The following ANK3 variants were observed in gnomAD, a reference collection of about 807,000 sequenced individuals.
The protein encoded by ANK3 is ankyrin 3.
ANK3 carries 57 observed loss-of-function variants against 370.9 expected under a neutral mutation model. That is an observed-to-expected ratio of 0.15 (90% confidence interval 0.12 to 0.19). The LOEUF (loss-of-function observed/expected upper bound fraction) is 0.19. Ranked by LOEUF, ANK3 falls within the 10% of genes least tolerant of loss-of-function variation. The pLI is 1.00. For synonymous variants in ANK3, 1,929 were observed against 1,946.3 expected (o/e 0.99, Z 0.23); for missense variants, 4,439 against 5,302.1 (o/e 0.84, Z 5.06).
At chr10:60,325,035 T>C (rs531480983) in intron 1 of ANK3, among the ~76,000 whole-genome samples, 1 of 152,222 alleles carries the variant, frequency 6.6e-6, no homozygotes, top group Non-Finnish European at 1.5e-5. Flanking sequence ...CTACCCATAA[T>C]GTACTCTGCT....
chr10:60,723,410 G>T (rs971729490), intron 1 of ANK3, among the ~76,000 whole-genome samples: 1 of 152,230 alleles, frequency 6.6e-6, no homozygotes, highest in Non-Finnish European at 1.5e-5. Flanking sequence ...AGACAACAAA[G>T]TGTTAGTGTA....
intron 38 of ANK3, among the ~76,000 whole-genome samples, chr10:60,066,276 A>G (rs971716589): frequency 1.3e-5 from 2 of 152,208 alleles, no homozygotes; most frequent in African/African-American, 4.8e-5. Flanking sequence ...TCGTCTGGCT[A>G]TTAAGCCACA....
intron 2 of ANK3, among the ~76,000 whole-genome samples, chr10:60,598,791 T>C (rs1277895756): frequency 6.6e-6 from 1 of 152,204 alleles, no homozygotes; most frequent in Non-Finnish European, 1.5e-5. Context: ...TAGTGAACAT[T>C]ACATCAGAAA....
chr10:60,700,543 G>A (rs1157259095), intron 1 of ANK3, among the ~76,000 whole-genome samples: 1 of 152,172 alleles, frequency 6.6e-6, no homozygotes, highest in Non-Finnish European at 1.5e-5. Flanking sequence ...ATGGGGCAGA[G>A]GTGGCCAGCT....
At chr10:60,691,513 G>A (rs896674791) in intron 1 of ANK3, among the ~76,000 whole-genome samples, 1 of 152,068 alleles carries the variant, frequency 6.6e-6, no homozygotes, top group Non-Finnish European at 1.5e-5. Flanking sequence ...TCCACTAAAC[G>A]TTTGCCACTT....
At chr10:60,700,806 T>G (rs1035075348) in intron 1 of ANK3, among the ~76,000 whole-genome samples, 10 of 152,138 alleles carry the variant, frequency 6.6e-5, no homozygotes, top group South Asian at 2.1e-4. Flanking sequence ...ATCAGAGATT[T>G]AAATGTAAAT....
intron 1 of ANK3, among the ~76,000 whole-genome samples, chr10:60,319,581 CA>C (rs2048189693): frequency 6.6e-6 from 1 of 152,170 alleles, no homozygotes; most frequent in South Asian, 2.1e-4. Flanking sequence ...CTTTAAAACA[CA>C]CCCATTTATT....
chr10:60,083,436 T>C, intron 33 of ANK3, 56 bp downstream of exon 33: 1 of 1,528,140 alleles, frequency 6.5e-7, no homozygotes, highest in Non-Finnish European at 8.9e-7. Context: ...TTATTTTTAT[T>C]CTCTAAGAGT....
At chr10:60,601,535 C>T (rs2078064630) in intron 2 of ANK3, among the ~76,000 whole-genome samples, 2 of 152,030 alleles carry the variant, frequency 1.3e-5, no homozygotes, top group Non-Finnish European at 2.9e-5. Context: ...TTCAAACCAT[C>T]TAACCAGTAT....
chr10:60,451,492 T>G (rs1216194284), intron 2 of ANK3, among the ~76,000 whole-genome samples: 1 of 152,192 alleles, frequency 6.6e-6, no homozygotes, highest in African/African-American at 2.4e-5. Context: ...GGCCTTGCCT[T>G]TTGAAGAACA....
At chr10:60,280,692 G>A (rs1402380307) in intron 1 of ANK3, among the ~76,000 whole-genome samples, 1 of 152,194 alleles carries the variant, frequency 6.6e-6, no homozygotes, top group African/African-American at 2.4e-5. Context: ...TCCTGAAAGA[G>A]CAGCCAAAAA....
chr10:60,412,861 C>G (rs1470584648), intron 2 of ANK3, among the ~76,000 whole-genome samples: 1 of 152,174 alleles, frequency 6.6e-6, no homozygotes, highest in Non-Finnish European at 1.5e-5. Flanking sequence ...TTATTTCTCC[C>G]TCTAAAGCCA....
At chr10:60,663,973 A>C (rs890593954) in intron 1 of ANK3, among the ~76,000 whole-genome samples, 1 of 152,240 alleles carries the variant, frequency 6.6e-6, no homozygotes, top group Admixed American at 6.5e-5. Context: ...TATCTGCCGA[A>C]TCATGTAGCA....
At chr10:60,628,359 C>T (rs2078438018) in intron 1 of ANK3, among the ~76,000 whole-genome samples, 1 of 152,146 alleles carries the variant, frequency 6.6e-6, no homozygotes, top group Non-Finnish European at 1.5e-5. Context: ...CTTTTGATTT[C>T]TATCAAACCC....
At chr10:60,102,379 T>C (rs2091426722) in intron 28 of ANK3, among the ~76,000 whole-genome samples, 1 of 152,104 alleles carries the variant, frequency 6.6e-6, no homozygotes, top group South Asian at 2.1e-4. Context: ...GCTTTACATA[T>C]ATTAGCTCAT....
chr10:60,051,784 C>CCT (rs1564628407), intron 42 of ANK3, among the ~76,000 whole-genome samples: 2 of 107,724 alleles, frequency 1.9e-5, no homozygotes, highest in African/African-American at 7.8e-5. Context: ...TTACTCTGTG[C>CCT]ATGTGTGTGT....
chr10:60,704,150 G>C (rs775050446), intron 1 of ANK3, among the ~76,000 whole-genome samples: 3 of 152,186 alleles, frequency 2.0e-5, no homozygotes, highest in Non-Finnish European at 2.9e-5. Flanking sequence ...CTCTACAAAA[G>C]TTAATTCTAC....
chr10:60,453,140 C>T (rs1207056249), intron 2 of ANK3, among the ~76,000 whole-genome samples: 1 of 152,138 alleles, frequency 6.6e-6, no homozygotes, highest in Non-Finnish European at 1.5e-5. Flanking sequence ...ATCTCAGTTC[C>T]AGGATTTACT....
chr10:60,395,550 C>CTCTTTCTTTCTTTCTTTCTTTTCTT (rs1555367060), intron 2 of ANK3, among the ~76,000 whole-genome samples: 15 of 108,380 alleles, frequency 1.4e-4, no homozygotes, highest in African/African-American at 4.5e-4. Context: ...ACTACTATGC[C>CTCTTTCTTTCTTTCTTTCTTTTCTT]TCTTTCTTTC....
Sources: gnomAD v4.1 joint callset for allele counts (sites outside exome capture counted in the v4.1 genomes callset) on GRCh38, gnomAD v4.1.1 for gene constraint, MANE v1.5 for transcripts, NCBI Gene and HGNC (gene_info 2026-07-23, HGNC 2026-07-21) for gene names.